The following MANBAL variants were observed in gnomAD, a reference collection of about 807,000 sequenced individuals.
MANBAL encodes the protein mannosidase beta like, also known as protein MANBAL.
MANBAL carries 1 observed loss-of-function variant against 6.4 expected under a neutral mutation model. That is an observed-to-expected ratio of 0.16 (90% confidence interval 0.06 to 0.74). The LOEUF (loss-of-function observed/expected upper bound fraction) is 0.74, where lower values mean the gene tolerates loss of function less well. Among genes scored for constraint, MANBAL ranks in the 30% least tolerant of loss-of-function variants. The pLI is 0.78. For synonymous variants in MANBAL, 47 were observed against 45.8 expected (o/e 1.03, Z -0.10); for missense variants, 100 against 107.8 (o/e 0.93, Z 0.32).
intron 2 of MANBAL, among the ~76,000 whole-genome samples, chr20:37,311,656 T>C (rs2069390497): frequency 6.6e-6 from 1 of 152,024 alleles, no homozygotes; most frequent in Admixed American, 6.5e-5. Context: ...CCTGGCTAAT[T>C]TTGTATTTTT....
At chr20:37,307,418 T>C (rs1418192434) in intron 2 of MANBAL, among the ~76,000 whole-genome samples, 1 of 152,206 alleles carries the variant, frequency 6.6e-6, no homozygotes, top group Non-Finnish European at 1.5e-5. Context: ...AGCAAAATGT[T>C]CCGTGTGGGA....
At chr20:37,300,441 T>C (rs571895925) in intron 1 of MANBAL, among the ~76,000 whole-genome samples, 5 of 152,346 alleles carry the variant, frequency 3.3e-5, no homozygotes, top group African/African-American at 1.2e-4. Context: ...TTTTCCAAAA[T>C]GCTTATCACT....
intron 1 of MANBAL, among the ~76,000 whole-genome samples, chr20:37,294,215 T>G (rs991106282): frequency 1.1e-4 from 16 of 152,260 alleles, no homozygotes; most frequent in African/African-American, 3.9e-4. Flanking sequence ...TAGTTTCCCC[T>G]TCTTCAGGGA....
intron 1 of MANBAL, among the ~76,000 whole-genome samples, chr20:37,294,900 G>A (rs2068958067): frequency 6.6e-6 from 1 of 152,226 alleles, no homozygotes; most frequent in South Asian, 2.1e-4. Flanking sequence ...CGTCACCAGT[G>A]TCTGGCATTC....
chr20:37,291,961 A>G (rs1374940973), intron 1 of MANBAL, among the ~76,000 whole-genome samples: 1 of 152,196 alleles, frequency 6.6e-6, no homozygotes, highest in East Asian at 1.9e-4. Context: ...ATGAAAATGG[A>G]CTAATCCAAC....
chr20:37,310,061 A>C (rs2069347698), intron 2 of MANBAL, among the ~76,000 whole-genome samples: 1 of 152,188 alleles, frequency 6.6e-6, no homozygotes, highest in African/African-American at 2.4e-5. Context: ...GGCTGGACAC[A>C]CAAGGAGCCA....
intron 1 of MANBAL, among the ~76,000 whole-genome samples, chr20:37,294,946 A>T (rs1487266591): frequency 1.3e-5 from 2 of 152,194 alleles, no homozygotes; most frequent in Non-Finnish European, 2.9e-5. Flanking sequence ...AACCTCATGA[A>T]ATTATTTGCC....
At position 37,315,988 on chromosome 20, in the gene MANBAL, A is replaced by T. The variant is rs144982431; in HGVS notation, c.151-320A>T. Among the ~76,000 whole-genome samples the T allele has an allele frequency of 1.5e-4, 23 of 152,310 alleles. 1 individual carries two copies. In the East Asian group the frequency reaches 4.2e-3, roughly 28 times the overall value. ...GCGGGTGTGGCTATTTCCATTTCAC[A>T]GGTGAGTAAACCAAGACACAGAAAG... On this transcript the variant is annotated intron_variant, in intron 2 of 2. Coordinates refer to ENST00000373606, the MANE Select transcript of MANBAL (RefSeq NM_001003897.2).
intron 2 of MANBAL, among the ~76,000 whole-genome samples, chr20:37,307,846 C>T (rs2069292524): frequency 6.6e-6 from 1 of 151,960 alleles, no homozygotes; most frequent in African/African-American, 2.4e-5. Context: ...AAATGAAGAT[C>T]CAGGAAAGAC....
chr20:37,296,802 T>C (rs1222352325), intron 1 of MANBAL: 1 of 152,212 alleles, frequency 6.6e-6, no homozygotes, highest in African/African-American at 2.4e-5. Context: ...GTATTATAGG[T>C]ATCATTGTTG....
chr20:37,314,866 G>A (rs1194982615), intron 2 of MANBAL, among the ~76,000 whole-genome samples: 1 of 152,230 alleles, frequency 6.6e-6, no homozygotes, highest in Non-Finnish European at 1.5e-5. Flanking sequence ...CTCTTCTGTA[G>A]GGTGGGCTGA....
rs753897520 is a variant in MANBAL, at chr20:37,301,455, G to T, written c.150+42G>T. On this transcript the variant is annotated intron_variant, in intron 2 of 2. Coordinates refer to ENST00000373606, the MANE Select transcript of MANBAL (RefSeq NM_001003897.2). ...GAGCCTCAGCTCCTCTGAGTGCCAGGCTGGGTTCTGAGTACTAACAGTAGG... is the reference window on the plus strand; with the variant it reads ...GAGCCTCAGCTCCTCTGAGTGCCAGTCTGGGTTCTGAGTACTAACAGTAGG... 5 of 1,603,896 alleles carry T rather than the reference G, an allele frequency of 3.1e-6. No homozygotes were observed. The South Asian group carries it at 4.4e-5, about 14-fold the overall frequency.
intron 2 of MANBAL, among the ~76,000 whole-genome samples, chr20:37,315,932 T>A (rs2069502921): frequency 6.6e-6 from 1 of 152,230 alleles, no homozygotes; most frequent in Non-Finnish European, 1.5e-5. Flanking sequence ...GCTTTCCACG[T>A]AGTTTTGCCT....
intron 2 of MANBAL, among the ~76,000 whole-genome samples, chr20:37,314,908 G>A (rs148314294): frequency 6.6e-6 from 1 of 152,368 alleles, no homozygotes; most frequent in Non-Finnish European, 1.5e-5. Flanking sequence ...GGGCAAGCAG[G>A]GAAGGTCAGG....
Position 37,302,226 on chromosome 20 carries a change from T to G in MANBAL, c.150+813T>G, listed in dbSNP as rs187501388. 1,110 of 1,550,416 alleles carry G rather than the reference T, an allele frequency of 7.2e-4. 10 individuals carry two copies. In the African/African-American group the frequency reaches 0.013, roughly 18 times the overall value. Reference sequence around the variant, plus strand: ...TACATCCCAGGAATTGGCTATTGCTTCTCTGTGGTGTCATTTAACGTGTTT... The same window carrying G: ...TACATCCCAGGAATTGGCTATTGCTGCTCTGTGGTGTCATTTAACGTGTTT... On this transcript the variant is annotated intron_variant, in intron 2 of 2. Coordinates refer to ENST00000373606, the MANE Select transcript of MANBAL (RefSeq NM_001003897.2).
At chr20:37,307,309 AG>A (rs1216967564) in intron 2 of MANBAL, among the ~76,000 whole-genome samples, 2 of 152,322 alleles carry the variant, frequency 1.3e-5, no homozygotes, top group African/African-American at 4.8e-5. Flanking sequence ...TGTAATATGC[AG>A]CCACTACTCA....
intron 1 of MANBAL, among the ~76,000 whole-genome samples, chr20:37,294,005 G>A (rs973102637): frequency 6.6e-6 from 1 of 152,172 alleles, no homozygotes; most frequent in African/African-American, 2.4e-5. Flanking sequence ...CAAGCTGGTC[G>A]CAAACTGCCG....
At chr20:37,304,618 A>G (rs943424601) in intron 2 of MANBAL, among the ~76,000 whole-genome samples, 1 of 152,216 alleles carries the variant, frequency 6.6e-6, no homozygotes, top group Non-Finnish European at 1.5e-5. Flanking sequence ...CTGGAGATCC[A>G]TATATCTTGG....
chr20:37,292,683 G>T (rs2068899581), intron 1 of MANBAL, among the ~76,000 whole-genome samples: 1 of 152,200 alleles, frequency 6.6e-6, no homozygotes, highest in Non-Finnish European at 1.5e-5. Flanking sequence ...TGCTGAAATT[G>T]TTCCTCCATT....
Sources: allele counts gnomAD v4.1 joint callset (sites outside exome capture counted in the v4.1 genomes callset), GRCh38; gene constraint gnomAD v4.1.1; transcripts MANE v1.5; gene names NCBI Gene and HGNC (gene_info 2026-07-23, HGNC 2026-07-21).